Variants in IL1RAPL2 observed in about 807,000 individuals in gnomAD.
IL1RAPL2 encodes X-linked interleukin-1 receptor accessory protein-like 2.
Under a neutral mutation model 44.1 loss-of-function variants are expected in IL1RAPL2, and 3 were observed. The observed-to-expected ratio is 0.07, with a 90% confidence interval of 0.03 to 0.18. IL1RAPL2 has a LOEUF of 0.18. Among genes scored for constraint, IL1RAPL2 ranks in the 10% least tolerant of loss-of-function variants. IL1RAPL2 has a pLI of 1.00. For synonymous variants in IL1RAPL2, 181 were observed against 178.8 expected (o/e 1.01, Z -0.10); for missense variants, 391 against 496.4 (o/e 0.79, Z 2.02).
At chrX:104,919,615 C>T (rs1281840540) in intron 2 of IL1RAPL2, among the ~76,000 whole-genome samples, 1 of 106,711 alleles carries the variant, frequency 9.4e-6, no homozygotes, top group African/African-American at 3.4e-5. Context: ...ACTGCAACCT[C>T]CCCCTCCTGG....
chrX:105,584,742 ATG>A (rs1209206729), intron 6 of IL1RAPL2, among the ~76,000 whole-genome samples: 1 of 111,326 alleles, frequency 9.0e-6, no homozygotes, highest in Non-Finnish European at 1.9e-5. Context: ...TCTGAATATT[ATG>A]TCTTTTTTAT....
intron 2 of IL1RAPL2, among the ~76,000 whole-genome samples, chrX:104,829,186 A>G (rs1921543668): frequency 9.0e-6 from 1 of 110,832 alleles, no homozygotes; most frequent in Non-Finnish European, 1.9e-5. Flanking sequence ...TGAAAAAAAA[A>G]CTCTTGCAGC....
chrX:105,531,797 G>A (rs189472176), intron 6 of IL1RAPL2, among the ~76,000 whole-genome samples: 161 of 111,566 alleles, frequency 1.4e-3, no homozygotes, highest in Non-Finnish European at 2.4e-3. Context: ...TTCCCAGCAC[G>A]ATTTATTGAA....
intron 5 of IL1RAPL2, among the ~76,000 whole-genome samples, chrX:105,390,429 G>A (rs141130370): frequency 0.017 from 1,913 of 111,673 alleles, 41 homozygotes; most frequent in African/African-American, 0.059. Context: ...GGTGCCTGAC[G>A]TATAATTGGC....
At chrX:104,724,255 G>A (rs982604855) in intron 2 of IL1RAPL2, among the ~76,000 whole-genome samples, 3 of 111,018 alleles carry the variant, frequency 2.7e-5, no homozygotes, top group African/African-American at 9.8e-5. Context: ...ATGCGACAGA[G>A]GGATGAAGGG....
At chrX:104,700,533 G>A (rs1931257504) in intron 2 of IL1RAPL2, among the ~76,000 whole-genome samples, 1 of 111,598 alleles carries the variant, frequency 9.0e-6, no homozygotes, top group Admixed American at 9.5e-5. Context: ...ACTTCTCAAG[G>A]TCCTCTTTGT....
chrX:105,055,814 A>G (rs1270640821), intron 2 of IL1RAPL2, among the ~76,000 whole-genome samples: 6 of 111,119 alleles, frequency 5.4e-5, no homozygotes, highest in Non-Finnish European at 1.1e-4. Flanking sequence ...TTCCTGAAAA[A>G]GCCCAGTGGG....
At chrX:104,809,789 G>A (rs181429541) in intron 2 of IL1RAPL2, among the ~76,000 whole-genome samples, 3,679 of 111,180 alleles carry the variant, frequency 0.033, 50 homozygotes, top group Non-Finnish European at 0.048. Flanking sequence ...TGTTTTAGAC[G>A]TGAAGTCCTT....
chrX:104,585,321 T>TATATA (rs1928515656), intron 1 of IL1RAPL2, among the ~76,000 whole-genome samples: 4 of 19,348 alleles, frequency 2.1e-4, no homozygotes, highest in Non-Finnish European at 2.9e-4. Context: ...TAATATATAT[T>TATATA]ATATATAATA....
chrX:105,165,087 A>G (rs1029859210), intron 2 of IL1RAPL2, among the ~76,000 whole-genome samples: 9 of 111,706 alleles, frequency 8.1e-5, no homozygotes, highest in African/African-American at 2.9e-4. Flanking sequence ...GAAGGAAGTT[A>G]CTTTAGATTA....
intron 2 of IL1RAPL2, among the ~76,000 whole-genome samples, chrX:105,118,679 A>G (rs2032887734): frequency 8.9e-6 from 1 of 112,418 alleles, no homozygotes; most frequent in East Asian, 2.8e-4. Flanking sequence ...TGTTCTTCTG[A>G]AATGTATTGC....
chrX:105,518,330 C>A (rs1470454879), intron 6 of IL1RAPL2, among the ~76,000 whole-genome samples: 2 of 110,899 alleles, frequency 1.8e-5, no homozygotes, highest in Admixed American at 9.7e-5. Context: ...AAGCAAAAGA[C>A]CCTAGCAAAA....
intron 5 of IL1RAPL2, among the ~76,000 whole-genome samples, chrX:105,318,450 GA>G (rs1476222107): frequency 9.0e-6 from 1 of 111,359 alleles, no homozygotes; most frequent in East Asian, 2.8e-4. Flanking sequence ...TTCAGTCAGA[GA>G]AAAAAAATTT....
At chrX:104,742,626 A>G in intron 2 of IL1RAPL2, among the ~76,000 whole-genome samples, 1 of 111,774 alleles carries the variant, frequency 8.9e-6, no homozygotes, top group East Asian at 2.8e-4. Flanking sequence ...TTTTAATAGT[A>G]AATGAAGTCA....
intron 2 of IL1RAPL2, among the ~76,000 whole-genome samples, chrX:105,077,943 A>C (rs2032335973): frequency 9.0e-6 from 1 of 110,618 alleles, no homozygotes; most frequent in Middle Eastern, 4.3e-3. Flanking sequence ...GCATTCATCT[A>C]ATTTTTTTCG....
intron 3 of IL1RAPL2, among the ~76,000 whole-genome samples, chrX:105,203,969 T>C (rs886880816): frequency 1.2e-3 from 129 of 111,732 alleles, no homozygotes; most frequent in African/African-American, 4.0e-3. Flanking sequence ...TATGGGATCC[T>C]CCTGCCCAAA....
chrX:105,179,079 C>A (rs2033503486), intron 2 of IL1RAPL2, among the ~76,000 whole-genome samples: 1 of 111,750 alleles, frequency 8.9e-6, no homozygotes, highest in African/African-American at 3.3e-5. Context: ...TAGACTAATG[C>A]CCAGGAGAGT....
At chrX:105,099,756 G>A (rs2032649618) in intron 2 of IL1RAPL2, among the ~76,000 whole-genome samples, 1 of 109,683 alleles carries the variant, frequency 9.1e-6, no homozygotes, top group Non-Finnish European at 1.9e-5. Flanking sequence ...GTGAGCCACC[G>A]CGCCCGGCCG....
intron 6 of IL1RAPL2, among the ~76,000 whole-genome samples, chrX:105,593,944 T>C (rs2037190959): frequency 8.9e-6 from 1 of 112,181 alleles, no homozygotes; most frequent in Non-Finnish European, 1.9e-5. Context: ...TACTAACATC[T>C]ACCTTAATTG....
Sources: gnomAD v4.1 joint callset for allele counts (sites outside exome capture counted in the v4.1 genomes callset) on GRCh38, gnomAD v4.1.1 for gene constraint, MANE v1.5 for transcripts, NCBI Gene and HGNC (gene_info 2026-07-23, HGNC 2026-07-21) for gene names.